The following HSF1 variants were observed in gnomAD, a reference collection of about 807,000 sequenced individuals.
HSF1 encodes heat shock factor protein 1.
A neutral mutation model predicts 51.7 loss-of-function variants in HSF1; 32 were observed. The ratio of observed to expected loss-of-function variants is 0.62; its 90% CI spans 0.47 to 0.83. The LOEUF (loss-of-function observed/expected upper bound fraction) is 0.83, where lower values mean the gene tolerates loss of function less well. Ranked by LOEUF, HSF1 falls within the 40% of genes least tolerant of loss-of-function variation. HSF1 has a pLI of 0.00. For missense variants in HSF1, 727 were observed against 717.0 expected (o/e 1.01, Z -0.16); for synonymous variants, 396 against 309.7 (o/e 1.28, Z -2.92).
chr8:144,311,620 G>C lies in HSF1; in HGVS notation c.723+19G>C. The C allele has an allele frequency of 6.2e-7, 1 of 1,613,014 alleles. No individual in the cohort carries two copies. Among genetic ancestry groups the C allele is most frequent in the Non-Finnish European group, 8.5e-7 (1 of 1,179,792 alleles). ...CTACTCGGTGAGTGCCGGAGACAGG[G>C]CACCCGCCCAGGCATGCAGGCGGCA... On this transcript the variant is annotated intron_variant, in intron 7 of 12. Transcript: ENST00000528838.
intron 1 of HSF1, among the ~76,000 whole-genome samples, chr8:144,303,620 G>A (rs188851592): frequency 1.3e-5 from 2 of 152,300 alleles, no homozygotes; most frequent in Admixed American, 6.5e-5. Context: ...GCTCATGCCT[G>A]TAATCCCAGC....
chr8:144,296,789 A>G (rs1815492816), intron 1 of HSF1, among the ~76,000 whole-genome samples: 3 of 142,346 alleles, frequency 2.1e-5, no homozygotes. Flanking sequence ...CCTGGGTGAC[A>G]GAGCGGGACT....
At chr8:144,296,152 C>T (rs919230833) in intron 1 of HSF1, among the ~76,000 whole-genome samples, 1 of 152,112 alleles carries the variant, frequency 6.6e-6, no homozygotes, top group African/African-American at 2.4e-5. Flanking sequence ...AGAGTGGTCC[C>T]TGCAGTGAGG....
Position 144,306,335 on chromosome 8 carries a change from A to G in HSF1, c.118-2571A>G, listed in dbSNP as rs1186775891. 3.8e-5 allele frequency among the ~76,000 whole-genome samples: 5 copies of G among 132,660 alleles called. No homozygotes were observed. The South Asian group carries it at 1.2e-3, about 31-fold the overall frequency. The allele number at this position is 132,660 out of a possible 152,430, so 87.0% of individuals were successfully genotyped here. ...GTCCTAGCTTCTTGTTTCTTTGCAT[A>G]TCTCTATTTTTTTTTTTAACTAGAG... On this transcript the variant is annotated intron_variant, in intron 1 of 12. Coordinates refer to ENST00000528838, the MANE Select transcript of HSF1 (RefSeq NM_005526.4).
At chr8:144,313,212 T>C in intron 9 of HSF1, 1 of 435,388 alleles carries the variant, frequency 2.3e-6, no homozygotes, top group Non-Finnish European at 4.2e-6. Context: ...AACACTGAAA[T>C]CCCTGATCCT....
In HSF1 at chr8:144,314,547, T is replaced by C; in HGVS notation, c.*217T>C. 1.7e-6 allele frequency: 1 copy of C among 592,024 alleles called. No homozygotes were observed. Among genetic ancestry groups the C allele is most frequent in the Non-Finnish European group, 3.0e-6 (1 of 332,280 alleles). 36.7% of individuals were successfully genotyped at this position (592,024 alleles called of 1,614,324 possible). ...CCAACCCCGTGTCCTGTGGTTTGGT[T>C]GGGGCTTCACAGCCACACCTGGACT... On this transcript the variant is annotated 3_prime_UTR_variant, in exon 13 of 13. Coordinates refer to ENST00000528838, the MANE Select transcript of HSF1 (RefSeq NM_005526.4).
intron 1 of HSF1, among the ~76,000 whole-genome samples, chr8:144,304,192 C>G (rs1472008863): frequency 2.6e-5 from 4 of 152,148 alleles, no homozygotes; most frequent in Non-Finnish European, 5.9e-5. Flanking sequence ...AGTGTAGTAC[C>G]CATCATGGTG....
chr8:144,311,967 C>T lies in HSF1; in HGVS notation c.865C>T (p.Leu289=). Residue 289 remains leucine (L), a synonymous_variant, in exon 9 of 13, where the codon CTA becomes TTA. Coordinates refer to ENST00000528838, the MANE Select transcript of HSF1 (RefSeq NM_005526.4). The stretch of plus-strand genomic sequence containing the variant: ...CCTGGCCCCCCTCGTGTGCAGGCCC[C>T]TATCCAGCAGCCCCCTGGTGCGTGT... ...SPGGSIDERP[L]SSSPLVRVKE... The T allele has an allele frequency of 6.3e-7, 1 of 1,587,592 alleles. No homozygotes were observed.
Position 144,311,739 on chromosome 8 carries a change from C to T in HSF1, c.763C>T (p.Pro255Ser). 1 of 1,612,956 alleles carries T rather than the reference C, an allele frequency of 6.2e-7. No homozygotes were observed. Among genetic ancestry groups the T allele is most frequent in the Non-Finnish European group, 8.5e-7 (1 of 1,179,750 alleles). The change falls in exon 8 of 13, where the codon CCT (proline) becomes TCT (serine). Residue 255 changes from proline (P) to serine (S), a missense_variant. Physicochemically the swap from Pro to Ser is moderately conservative, Grantham distance 74. Coordinates refer to ENST00000528838, the MANE Select transcript of HSF1 (RefSeq NM_005526.4). ...CTACAGCAGCTCCAGCCTCTACGCC[C>T]CTGATGCTGTGGCCAGCTCTGGACC... ...PAYSSSSLYA[P>S]DAVASSGPII...
At chr8:144,300,378 G>A (rs1292042303) in intron 1 of HSF1, among the ~76,000 whole-genome samples, 4 of 151,974 alleles carry the variant, frequency 2.6e-5, no homozygotes, top group Non-Finnish European at 5.9e-5. Context: ...CACCTCGCCC[G>A]GCTAATTTTG....
Position 144,298,596 on chromosome 8 carries a change from C to G in HSF1, c.117+6722C>G, listed in dbSNP as rs1369163732. Among the ~76,000 whole-genome samples, 5 of 109,380 alleles carry G rather than the reference C, an allele frequency of 4.6e-5. No homozygotes were observed. In the Admixed American group the frequency reaches 5.5e-4, roughly 12 times the overall value. 71.8% of individuals were successfully genotyped at this position (109,380 alleles called of 152,430 possible). On this transcript the variant is annotated intron_variant, in intron 1 of 12. Transcript: ENST00000528838. ...CTCCAGCCACAGAGCGAGAAACTGT[C>G]TCAAAAAAAAAAAAAGAAAGAAAAG...
At chr8:144,309,113 G>A (rs1816425482) in intron 2 of HSF1, 99 bp downstream of exon 2, 2 of 986,898 alleles carry the variant, frequency 2.0e-6, no homozygotes, top group African/African-American at 1.6e-5. Flanking sequence ...GGGGCGTCCT[G>A]TGCTGGCCAA....
chr8:144,292,988 C>T (rs1815202576), intron 1 of HSF1, among the ~76,000 whole-genome samples: 1 of 152,154 alleles, frequency 6.6e-6, no homozygotes. Flanking sequence ...GGCCACTGAT[C>T]ATTGGGAGCT....
chr8:144,311,830 A>G lies in HSF1; in HGVS notation c.854A>G (p.Asp285Gly). 1 of 1,605,518 alleles carries G rather than the reference A, an allele frequency of 6.2e-7. No individual in the cohort carries two copies. The highest frequency in any genetic ancestry group is 8.5e-7 in the Non-Finnish European group (1 of 1,176,502). The change falls in exon 8 of 13, where the codon GAC becomes GGC. Residue 285 changes from aspartate (D) to glycine (G), a missense_variant. Transcript: ENST00000528838. ...ATGGCCTCCCCCGGCGGGAGCATAG[A>G]CGAGAGGTGGGGGCCGCATCACCCC... ...SPMASPGGSI[D>G]ERPLSSSPLV... is the part of the protein sequence containing the mutation.
chr8:144,298,224 C>T (rs919897982), intron 1 of HSF1, among the ~76,000 whole-genome samples: 2 of 152,094 alleles, frequency 1.3e-5, no homozygotes, highest in African/African-American at 4.8e-5. Context: ...CATAATGGCC[C>T]CTAAGGTAGG....
At chr8:144,313,437 C>A in intron 9 of HSF1, 74 bp from the exon 10 acceptor site, 1 of 977,114 alleles carries the variant, frequency 1.0e-6, no homozygotes, top group Non-Finnish European at 1.6e-6. Flanking sequence ...TCAAGGGGAG[C>A]CCTTCTCCCA....
rs144391605 is a variant in HSF1 at position 144,307,742 on chromosome 8, G to A, written c.118-1164G>A. Reference sequence around the variant, plus strand: ...AACTGGGATGCAGAGGCTGCAGTGAGCCATGTTGGTGCTGGTGCACTCCAG... The same window carrying A: ...AACTGGGATGCAGAGGCTGCAGTGAACCATGTTGGTGCTGGTGCACTCCAG... On this transcript the variant is annotated intron_variant, in intron 1 of 12. Coordinates refer to ENST00000528838, the MANE Select transcript of HSF1 (RefSeq NM_005526.4). Among the ~76,000 whole-genome samples, 653 of 150,992 alleles carry A rather than the reference G, an allele frequency of 4.3e-3. 30 individuals are homozygous for A. In the East Asian group the frequency reaches 0.1, roughly 23 times the overall value.
At position 144,312,185 on chromosome 8, in the gene HSF1, T is replaced by TGG; in HGVS notation, c.1083_1084insGG (p.Pro362GlyfsTer16). 3.1e-5 allele frequency: 48 copies of TGG among 1,531,768 alleles called. No individual in the cohort carries two copies. Among genetic ancestry groups the TGG allele is most frequent in the Non-Finnish European group, 3.9e-5 (44 of 1,116,408 alleles). 94.9% of individuals were successfully genotyped at this position (1,531,768 alleles called of 1,614,324 possible). A position where few individuals can be genotyped will look rare whatever the true frequency, so the allele number is the denominator to read the frequency against. Reference sequence around the variant, plus strand: ...GCCACACGGACACCGAGGGCCGGCCTCCCTCCCCCCCGCCCACCTCCACCC... The same window carrying TGG: ...GCCACACGGACACCGAGGGCCGGCCTGGCCCTCCCCCCCGCCCACCTCCACCC... On this transcript the variant is annotated frameshift_variant, in exon 9 of 13. Coordinates refer to ENST00000528838, the MANE Select transcript of HSF1 (RefSeq NM_005526.4). LOFTEE classifies it high-confidence loss of function.
At chr8:144,313,097 T>A in intron 9 of HSF1, 1 of 395,642 alleles carries the variant, frequency 2.5e-6, no homozygotes, top group Non-Finnish European at 4.7e-6. Flanking sequence ...CACCAGACCG[T>A]GGGTCTCATC....
Sources: gnomAD v4.1 joint callset for allele counts (sites outside exome capture counted in the v4.1 genomes callset) on GRCh38, gnomAD v4.1.1 for gene constraint, MANE v1.5 for transcripts, NCBI Gene and HGNC (gene_info 2026-07-23, HGNC 2026-07-21) for gene names.